Variants in TANC2 observed in about 807,000 individuals in gnomAD.
TANC2 encodes the protein protein TANC2.
TANC2 carries 26 observed loss-of-function variants against 210.5 expected under a neutral mutation model. The ratio of observed to expected loss-of-function variants is 0.12; its 90% confidence interval spans 0.09 to 0.17. TANC2 has a LOEUF of 0.17. Among genes scored for constraint, TANC2 ranks in the 10% least tolerant of loss-of-function variants. The pLI is 1.00. For synonymous variants in TANC2, 931 were observed against 967.1 expected, an observed-to-expected ratio of 0.96 and a Z score of 0.69; for missense variants, 2,129 against 2,608.9, an observed-to-expected ratio of 0.82 and a Z score of 4.01.
chr17:63,408,340 AAAGAG>A (rs2048583238), intron 21 of TANC2, among the ~76,000 whole-genome samples: 1 of 152,228 alleles, frequency 6.6e-6, no homozygotes, highest in Non-Finnish European at 1.5e-5. Context: ...ATGAGAAAGA[AAAGAG>A]AGAAGAGGAA....
intron 8 of TANC2, among the ~76,000 whole-genome samples, chr17:63,252,315 A>ATCAGAGTAAATGGCATAACCATCACC (rs2043074405): frequency 6.6e-6 from 1 of 152,144 alleles, no homozygotes; most frequent in Non-Finnish European, 1.5e-5. Context: ...TAATAATCAC[A>ATCAGAGTAAATGGCATAACCATCACC]TCAGAGTAAA....
chr17:63,328,020 C>T (rs185890002), intron 11 of TANC2, among the ~76,000 whole-genome samples: 5 of 152,122 alleles, frequency 3.3e-5, no homozygotes, highest in Non-Finnish European at 5.9e-5. Context: ...TGAGAACATG[C>T]GGTGTTTGGT....
In TANC2 at chr17:63,205,344, C is replaced by CAAAAAAAAAAA. The variant is rs1158768609; in HGVS notation, c.769+4405_769+4415dup. Among the ~76,000 whole-genome samples, 7 of 8,070 alleles carry CAAAAAAAAAAA rather than the reference C, an allele frequency of 8.7e-4. 2 individuals are homozygous for CAAAAAAAAAAA. Among genetic ancestry groups the CAAAAAAAAAAA allele is most frequent in the African/African-American group, 2.1e-3 (4 of 1,876 alleles). 5.3% of individuals were successfully genotyped at this position (8,070 alleles called of 152,430 possible). ...ACTGCTCAAAATTTAACCAAGGAGG[C>CAAAAAAAAAAA]AAAAAAAAAAAAAAAAAAAAAAAAA... On this transcript the variant is annotated intron_variant, in intron 7 of 27. Coordinates refer to ENST00000689528, the Ensembl canonical transcript of TANC2.
intron 2 of TANC2, among the ~76,000 whole-genome samples, chr17:63,039,337 A>G (rs935523730): frequency 1.3e-5 from 2 of 152,208 alleles, no homozygotes; most frequent in Non-Finnish European, 2.9e-5. Flanking sequence ...ATGTCTATAT[A>G]AGTATTTTTT....
At chr17:63,018,184 A>G (rs2034190833) in intron 2 of TANC2, among the ~76,000 whole-genome samples, 2 of 152,088 alleles carry the variant, frequency 1.3e-5, no homozygotes, top group Non-Finnish European at 2.9e-5. Flanking sequence ...AAATAATTGT[A>G]GATTTACCTG....
rs1175165023 is a variant in TANC2 at position 63,243,603 on chromosome 17, A to G, written c.1033+5526A>G. On this transcript the variant is annotated intron_variant, in intron 8 of 27. Coordinates refer to ENST00000689528, the Ensembl canonical transcript of TANC2. ...AGAGTGCCTTCTGTATAAAGTATGT[A>G]CATTGATATAAAGTTCATAGAAACA... Among the ~76,000 whole-genome samples the G allele has an allele frequency of 3.3e-5, 5 of 152,356 alleles. No homozygotes were observed. In the East Asian group the frequency reaches 9.6e-4, roughly 29 times the overall value.
intron 1 of TANC2, among the ~76,000 whole-genome samples, chr17:62,974,959 G>C (rs1309777215): frequency 6.6e-6 from 1 of 152,152 alleles, no homozygotes; most frequent in Non-Finnish European, 1.5e-5. Context: ...TTATTTCCTT[G>C]TCTGTAATAC....
At chr17:63,362,304 A>G (rs1375835778) in intron 14 of TANC2, among the ~76,000 whole-genome samples, 4 of 152,094 alleles carry the variant, frequency 2.6e-5, no homozygotes, top group Non-Finnish European at 4.4e-5. Context: ...CATGCATGCT[A>G]ATTGGTTCAT....
intron 9 of TANC2, among the ~76,000 whole-genome samples, chr17:63,301,147 A>G (rs1567895007): frequency 6.6e-6 from 1 of 152,162 alleles, no homozygotes; most frequent in Non-Finnish European, 1.5e-5. Flanking sequence ...TGTGGTGGGT[A>G]AGCTTTTTGA....
At chr17:63,224,832 T>A (rs985874382) in intron 7 of TANC2, among the ~76,000 whole-genome samples, 3 of 152,152 alleles carry the variant, frequency 2.0e-5, no homozygotes, top group Admixed American at 6.6e-5. Context: ...CCTTCTAATC[T>A]CCACCACCAT....
intron 12 of TANC2, 132 bp downstream of exon 12, chr17:63,340,464 TAC>T: frequency 1.4e-6 from 1 of 692,614 alleles, no homozygotes; most frequent in Non-Finnish European, 2.3e-6. Context: ...TCCTGTAGGA[TAC>T]AGTTAACAGA....
chr17:63,074,362 A>G (rs1244797345), intron 3 of TANC2, among the ~76,000 whole-genome samples: 3 of 152,094 alleles, frequency 2.0e-5, no homozygotes, highest in Non-Finnish European at 4.4e-5. Flanking sequence ...AATTTCATCA[A>G]TATAGTATTT....
chr17:63,297,608 GAA>G (rs1403493808), intron 9 of TANC2, among the ~76,000 whole-genome samples: 1 of 152,028 alleles, frequency 6.6e-6, no homozygotes, highest in Admixed American at 6.6e-5. Context: ...AAGACTCTTA[GAA>G]AAAGAGTACA....
intron 14 of TANC2, among the ~76,000 whole-genome samples, chr17:63,357,821 G>T (rs1314798632): frequency 6.6e-6 from 1 of 152,236 alleles, no homozygotes; most frequent in Admixed American, 6.5e-5. Context: ...TCCAGGCATG[G>T]TTTGTCTTTG....
intron 7 of TANC2, among the ~76,000 whole-genome samples, chr17:63,202,814 T>TATAAGTCCTTGAATATTA (rs1446059918): frequency 6.6e-6 from 1 of 152,192 alleles, no homozygotes; most frequent in Non-Finnish European, 1.5e-5. Context: ...ATTATATTTA[T>TATAAGTCCTTGAATATTA]ATAAGTCCTT....
chr17:63,082,910 G>A (rs9989494), intron 3 of TANC2, among the ~76,000 whole-genome samples: 81,281 of 152,012 alleles, frequency 0.53, 23,250 homozygotes, highest in African/African-American at 0.73. Context: ...ATGGGGCATA[G>A]ATTACTTCAT....
intron 3 of TANC2, 98 bp from the exon 4 acceptor site, chr17:63,099,077 A>G: frequency 8.2e-7 from 1 of 1,226,604 alleles, no homozygotes; most frequent in African/African-American, 1.5e-5. Flanking sequence ...TTTCACAGTG[A>G]AAATATTTGT....
intron 21 of TANC2, among the ~76,000 whole-genome samples, chr17:63,406,564 A>C (rs908768179): frequency 6.6e-6 from 1 of 152,208 alleles, no homozygotes; most frequent in African/African-American, 2.4e-5. Context: ...TACTCAATAA[A>C]TGTTCATCTT....
intron 10 of TANC2, 111 bp downstream of exon 10, chr17:63,314,780 C>T: frequency 1.5e-6 from 2 of 1,315,618 alleles, no homozygotes; most frequent in South Asian, 2.8e-5. Context: ...AACCTGACTT[C>T]CACGTGAGGA....
Sources: allele counts gnomAD v4.1 joint callset (sites outside exome capture counted in the v4.1 genomes callset), GRCh38; gene constraint gnomAD v4.1.1; transcripts MANE v1.5; gene names NCBI Gene and HGNC (gene_info 2026-07-23, HGNC 2026-07-21).